The following MTR variants were observed in gnomAD, a reference collection of about 807,000 sequenced individuals.
The protein encoded by MTR is 5-methyltetrahydrofolate-homocysteine methyltransferase, also known as methionine synthase.
A neutral mutation model predicts 154.8 loss-of-function variants in MTR; 84 were observed. That is an observed-to-expected ratio of 0.54 (90% CI 0.45 to 0.65). The LOEUF is 0.65. MTR is among the 30% of genes least tolerant of loss of function. The pLI is 0.00. For missense variants in MTR, 1,275 were observed against 1,570.2 expected (o/e 0.81, Z 3.18); for synonymous variants, 554 against 553.9 (o/e 1.00, Z 0.00).
intron 22 of MTR, 150 bp from the exon 23 acceptor site, chr1:236,873,623 T>TG: frequency 4.3e-6 from 3 of 705,838 alleles, no homozygotes; most frequent in Non-Finnish European, 7.6e-6. Context: ...ATGGTAGTTG[T>TG]GGTGGTAATC....
At chr1:236,841,344 C>G (rs1258693971) in intron 15 of MTR, among the ~76,000 whole-genome samples, 1 of 152,180 alleles carries the variant, frequency 6.6e-6, no homozygotes, top group East Asian at 1.9e-4. Context: ...CTTATCCTTT[C>G]TCACTCTTTA....
At chr1:236,845,707 G>A (rs1010072828) in intron 15 of MTR, among the ~76,000 whole-genome samples, 2 of 152,172 alleles carry the variant, frequency 1.3e-5, no homozygotes, top group Non-Finnish European at 2.9e-5. Context: ...TAAATATTAT[G>A]CAGATTATGG....
intron 1 of MTR, 57 bp from the exon 2 acceptor site, chr1:236,803,371 C>T (rs1419149626): frequency 6.5e-7 from 1 of 1,529,164 alleles, no homozygotes; most frequent in Non-Finnish European, 9.0e-7. Flanking sequence ...AAGCTCCTCC[C>T]TCACACATCT....
intron 10 of MTR, among the ~76,000 whole-genome samples, chr1:236,826,002 T>C (rs1216317077): frequency 1.3e-5 from 2 of 152,200 alleles, no homozygotes; most frequent in African/African-American, 4.8e-5. Flanking sequence ...ACTTCTCAGC[T>C]CCTTGACTTT....
At position 236,827,504 on chromosome 1, in the gene MTR, A is replaced by G. The variant is rs574268927; in HGVS notation, c.995+608A>G. ...GGATTATGTAAAGTAAATCCCAGAT[A>G]TTATGATATTCTATCCTTAAATACC... On this transcript the variant is annotated intron_variant, in intron 11 of 32. Transcript: ENST00000366577. Among the ~76,000 whole-genome samples the G allele has an allele frequency of 2.0e-5, 3 of 152,330 alleles. No homozygotes were observed. The South Asian group carries it at 6.2e-4, about 32-fold the overall frequency.
chr1:236,871,834 GT>G lies in MTR; in HGVS notation c.2406-1929del, dbSNP rs879270345. 2.7e-3 allele frequency among the ~76,000 whole-genome samples: 407 copies of G among 149,214 alleles called. 3 individuals are homozygous for G. Among genetic ancestry groups the G allele is most frequent in the African/African-American group, 8.7e-3 (355 of 40,736 alleles). ...TTTACTGAAGATTCCATATGTCATA[GT>G]TTTTTTTTTAACTTTTTTTAAAAAA... On this transcript the variant is annotated intron_variant, in intron 22 of 32. Transcript: ENST00000366577.
intron 27 of MTR, among the ~76,000 whole-genome samples, chr1:236,888,520 G>A (rs931026811): frequency 2.0e-5 from 3 of 152,168 alleles, no homozygotes; most frequent in East Asian, 1.9e-4. Context: ...TTTAAAAAAC[G>A]AAACAATGCA....
At chr1:236,862,098 C>G in intron 20 of MTR, 138 bp from the exon 21 acceptor site, 1 of 764,938 alleles carries the variant, frequency 1.3e-6, no homozygotes, top group Non-Finnish European at 2.4e-6. Context: ...TTTGTTCTGC[C>G]TACTGTCAAA....
At position 236,863,552 on chromosome 1, in the gene MTR, C is replaced by G. The variant is rs771840730; in HGVS notation, c.2403C>G (p.Phe801Leu). The change falls in exon 22 of 33, where the codon TTC becomes TTG. Residue 801 changes from phenylalanine to leucine, a missense_variant and splice_region_variant. Phe to Leu is a conservative substitution (Grantham distance 22). Transcript: ENST00000366577. ...GAGTAGTCCTTGGCTGCAATAATTT[C>G]CGGTAAGTTAGGACCTCACCTCTTT... ...IVGVVLGCNNFRVIDLGVMTP... is the reference protein window; with the variant it reads ...IVGVVLGCNNLRVIDLGVMTP... 1.2e-6 allele frequency: 2 copies of G among 1,613,760 alleles called. No individual in the cohort carries two copies. Among genetic ancestry groups the G allele is most frequent in the Non-Finnish European group, 1.7e-6 (2 of 1,179,702 alleles).
intron 9 of MTR, among the ~76,000 whole-genome samples, chr1:236,824,878 G>A (rs1214788209): frequency 6.6e-6 from 1 of 152,168 alleles, no homozygotes; most frequent in African/African-American, 2.4e-5. Context: ...AAACTGGATT[G>A]TTATAAGCTG....
chr1:236,873,020 G>T (rs1292080081), intron 22 of MTR, among the ~76,000 whole-genome samples: 3 of 152,194 alleles, frequency 2.0e-5, no homozygotes, highest in Non-Finnish European at 2.9e-5. Flanking sequence ...TATGCAAAAA[G>T]CTGAGCACAG....
At position 236,810,568 on chromosome 1, in the gene MTR, G is replaced by T; in HGVS notation, c.475G>T (p.Val159Leu). 1 of 1,613,758 alleles carries T rather than the reference G, an allele frequency of 6.2e-7. No individual in the cohort carries two copies. The highest frequency in any genetic ancestry group is 1.1e-5 in the South Asian group (1 of 91,082). The part of the protein sequence containing the change: ...TNKTLSVSPS[V>L]ERPDYRNITF... ...TAAGACACTCTCTGTGTCCCCATCTGTGGAAAGGCCGGATTATAGGAACAT... is the reference window on the plus strand; with the variant it reads ...TAAGACACTCTCTGTGTCCCCATCTTTGGAAAGGCCGGATTATAGGAACAT... The change falls in exon 5 of 33, where the codon GTG becomes TTG. Residue 159 changes from valine to leucine, a missense_variant. Val to Leu is a conservative substitution (Grantham distance 32). Transcript: ENST00000366577.
chr1:236,865,634 A>G (rs1163677410), intron 22 of MTR, among the ~76,000 whole-genome samples: 1 of 152,200 alleles, frequency 6.6e-6, no homozygotes, highest in Non-Finnish European at 1.5e-5. Flanking sequence ...TAGAGAGAAA[A>G]TGTATTTTTT....
chr1:236,855,702 A>G lies in MTR; in HGVS notation c.1953+2614A>G, dbSNP rs1311218157. Among the ~76,000 whole-genome samples, 3 of 152,218 alleles carry G rather than the reference A, an allele frequency of 2.0e-5. No individual in the cohort carries two copies. In the East Asian group the frequency reaches 5.8e-4, roughly 29 times the overall value. On this transcript the variant is annotated intron_variant, in intron 18 of 32. Transcript: ENST00000366577. Reference sequence around the variant, plus strand: ...GCAGAAGCAACTCTAGAGTGGGAAGAAGTAGTTTTTCTCATTAGCTTTGTA... The same window carrying G: ...GCAGAAGCAACTCTAGAGTGGGAAGGAGTAGTTTTTCTCATTAGCTTTGTA...
chr1:236,806,089 TG>T, intron 2 of MTR, 54 bp from the exon 3 acceptor site: 5 of 1,455,790 alleles, frequency 3.4e-6, no homozygotes, highest in Non-Finnish European at 4.8e-6. Flanking sequence ...ATGTTTATTC[TG>T]GGGGCACAAG....
chr1:236,842,037 A>G (rs1012672558), intron 15 of MTR, among the ~76,000 whole-genome samples: 4 of 151,758 alleles, frequency 2.6e-5, no homozygotes, highest in Admixed American at 6.6e-5. Flanking sequence ...GACTACAGGC[A>G]CCCGCCACCT....
At chr1:236,849,368 TA>T (rs1663767780) in intron 15 of MTR, among the ~76,000 whole-genome samples, 1 of 151,986 alleles carries the variant, frequency 6.6e-6, no homozygotes, top group Non-Finnish European at 1.5e-5. Context: ...GTTGCCAAAA[TA>T]ATACAATTTC....
intron 22 of MTR, among the ~76,000 whole-genome samples, chr1:236,871,877 C>G (rs1286628115): frequency 6.6e-6 from 1 of 151,824 alleles, no homozygotes; most frequent in Non-Finnish European, 1.5e-5. Flanking sequence ...TGAGTACAAG[C>G]TAAAAATCCA....
Position 236,885,843 on chromosome 1 carries a change from C to T in MTR, c.2776-449C>T, listed in dbSNP as rs141070221. Among the ~76,000 whole-genome samples, 131 of 152,270 alleles carry T rather than the reference C, an allele frequency of 8.6e-4. 2 individuals carry two copies. Among genetic ancestry groups the T allele is most frequent in the African/African-American group, 2.9e-3 (119 of 41,538 alleles). On this transcript the variant is annotated intron_variant, in intron 26 of 32. Transcript: ENST00000366577. ...TGAGATCAACAGCATGAGGAAAACA[C>T]GCTGTTTTGCTTCTGAGGTGGTAGG...
Sources: gnomAD v4.1 joint callset for allele counts (sites outside exome capture counted in the v4.1 genomes callset) on GRCh38, gnomAD v4.1.1 for gene constraint, MANE v1.5 for transcripts, NCBI Gene and HGNC (gene_info 2026-07-23, HGNC 2026-07-21) for gene names.